Variants in VPS53 observed in about 807,000 individuals in gnomAD.
The protein encoded by VPS53 is VPS53 subunit of GARP complex.
A neutral mutation model predicts 107.0 loss-of-function variants in VPS53; 70 were observed. That is an observed-to-expected ratio of 0.65 (90% CI 0.54 to 0.80). The LOEUF is 0.80. Ranked by LOEUF, VPS53 falls within the 30% of genes least tolerant of loss-of-function variation. The pLI is 0.00. For missense variants in VPS53, 917 were observed against 1,049.4 expected (o/e 0.87, Z 1.74); for synonymous variants, 409 against 393.3 (o/e 1.04, Z -0.47).
At chr17:678,881 T>C (rs907955674) in intron 4 of VPS53, among the ~76,000 whole-genome samples, 1 of 151,992 alleles carries the variant, frequency 6.6e-6, no homozygotes, top group East Asian at 1.9e-4. Context: ...CCTCGTGATC[T>C]GCCCGCCTCG....
Position 532,774 on chromosome 17 carries a change from TAGA to T in VPS53, c.2085+65_2085+67del. The stretch of plus-strand genomic sequence containing the variant: ...TTATTCCTGCCAAGTAGATCTGGAC[TAGA>T]AGAATATGTGCTTGATCTACAACAA... On this transcript the variant is annotated intron_variant, in intron 19 of 21. Coordinates refer to ENST00000437048, the MANE Select transcript of VPS53 (RefSeq NM_001128159.3). 14 of 1,594,132 alleles carry T rather than the reference TAGA, an allele frequency of 8.8e-6. No individual in the cohort carries two copies. The South Asian group carries it at 1.2e-4, about 14-fold the overall frequency.
At chr17:669,271 C>T (rs997400333) in intron 4 of VPS53, among the ~76,000 whole-genome samples, 1 of 152,112 alleles carries the variant, frequency 6.6e-6, no homozygotes. Context: ...ATCACTCTGG[C>T]ACTGTCCCTA....
chr17:551,639 T>A lies in VPS53; in HGVS notation c.1866+233A>T, dbSNP rs1165484697. 1.0e-5 allele frequency: 3 copies of A among 295,818 alleles called. No individual in the cohort carries two copies. In the South Asian group the frequency reaches 2.5e-4, roughly 24 times the overall value. The allele number at this position is 295,818 out of a possible 1,614,324, so 18.3% of individuals were successfully genotyped here. A position where few individuals can be genotyped will look rare whatever the true frequency, so the allele number is the denominator to read the frequency against. ...AAACACATTTACTTCGTCTCTTTTT[T>A]TTTTGCCATCCTCCAATACTGTGAT... On this transcript the variant is annotated intron_variant, in intron 17 of 21. Transcript: ENST00000437048.
chr17:562,866 TTAAAATC>T, intron 13 of VPS53, 121 bp from the exon 14 acceptor site: 1 of 1,152,890 alleles, frequency 8.7e-7, no homozygotes, highest in Non-Finnish European at 1.2e-6. Context: ...CATTTAAAAC[TTAAAATC>T]GGATCGATTT....
At chr17:650,453 C>T (rs202196182) in intron 7 of VPS53, among the ~76,000 whole-genome samples, 6 of 151,980 alleles carry the variant, frequency 3.9e-5, no homozygotes, top group Admixed American at 1.3e-4. Flanking sequence ...GCTATGACCA[C>T]GCCACTGCAC....
At chr17:656,947 G>T in intron 5 of VPS53, 1 of 1,109,092 alleles carries the variant, frequency 9.0e-7, no homozygotes, top group African/African-American at 1.5e-5. Flanking sequence ...TGTTGCCACT[G>T]GTGTCTTTCA....
At chr17:541,659 ACCGGGCG>A (rs71946660) in intron 17 of VPS53, among the ~76,000 whole-genome samples, 18 of 144,782 alleles carry the variant, frequency 1.2e-4, no homozygotes, top group African/African-American at 3.1e-4. Context: ...CCTACCACGC[ACCGGGCG>A]CTGAAGGAAT....
At chr17:540,168 T>G (rs1910512397) in intron 17 of VPS53, among the ~76,000 whole-genome samples, 1 of 147,916 alleles carries the variant, frequency 6.8e-6, no homozygotes, top group Non-Finnish European at 1.5e-5. Context: ...TGAAACATAG[T>G]GATCAAGCAA....
chr17:577,093 C>T (rs1914690280), intron 13 of VPS53, among the ~76,000 whole-genome samples: 1 of 152,036 alleles, frequency 6.6e-6, no homozygotes, highest in African/African-American at 2.4e-5. Flanking sequence ...AGAGAACCTC[C>T]CTCAGAACCT....
In VPS53 at chr17:661,829, C is replaced by T; in HGVS notation, c.352G>A (p.Ala118Thr). 6.4e-7 allele frequency: 1 copy of T among 1,552,138 alleles called. No homozygotes were observed. Among genetic ancestry groups the T allele is most frequent in the Non-Finnish European group, 8.7e-7 (1 of 1,147,066 alleles). The part of the protein sequence containing the change: ...FGKIKDIKDK[A>T]EKSEQMVKEI... The stretch of plus-strand genomic sequence containing the variant: ...CTCACCATTTGCTCTGATTTTTCAG[C>T]TTTGTCTTTGATATCTTTGATTTTG... The change falls in exon 5 of 22, where the codon GCT (alanine) becomes ACT (threonine). Residue 118 changes from alanine to threonine, a missense_variant. Ala to Thr is a moderately conservative substitution (Grantham distance 58, BLOSUM62 0). Coordinates refer to ENST00000437048, the MANE Select transcript of VPS53 (RefSeq NM_001128159.3).
At chr17:666,327 T>C (rs1023744970) in intron 4 of VPS53, among the ~76,000 whole-genome samples, 1 of 152,116 alleles carries the variant, frequency 6.6e-6, no homozygotes, top group African/African-American at 2.4e-5. Context: ...ACAGAAGTGT[T>C]TGAAGGAGAA....
intron 4 of VPS53, among the ~76,000 whole-genome samples, chr17:681,177 C>T (rs1972380679): frequency 6.6e-6 from 1 of 152,112 alleles, no homozygotes. Context: ...TGCTCTGTTG[C>T]CCAGGCTGGA....
chr17:588,318 A>AAAAC (rs71371552), intron 12 of VPS53, among the ~76,000 whole-genome samples: 22,245 of 151,830 alleles, frequency 0.15, 1,955 homozygotes, highest in South Asian at 0.23. Context: ...CTCCATTTCA[A>AAAAC]AAACAAACAA....
At chr17:655,388 G>A (rs971011282) in intron 6 of VPS53, among the ~76,000 whole-genome samples, 2 of 152,278 alleles carry the variant, frequency 1.3e-5, no homozygotes, top group African/African-American at 2.4e-5. Context: ...TCAGCCCAAC[G>A]CAAGCAGGAA....
intron 19 of VPS53, among the ~76,000 whole-genome samples, chr17:528,843 C>T (rs1265113537): frequency 2.0e-5 from 3 of 152,160 alleles, no homozygotes; most frequent in Non-Finnish European, 4.4e-5. Flanking sequence ...AGGTGATCTG[C>T]CTGCCTCAGC....
intron 4 of VPS53, among the ~76,000 whole-genome samples, chr17:664,697 G>C (rs1032111545): frequency 6.6e-6 from 1 of 152,204 alleles, no homozygotes; most frequent in Non-Finnish European, 1.5e-5. Context: ...GAAAGCGGGA[G>C]TGAAAGCTCT....
At chr17:544,437 A>T (rs1911028012) in intron 17 of VPS53, among the ~76,000 whole-genome samples, 1 of 151,958 alleles carries the variant, frequency 6.6e-6, no homozygotes, top group Non-Finnish European at 1.5e-5. Flanking sequence ...AGGTTACTTA[A>T]GCTGATTTTG....
At chr17:571,972 A>G (rs374169215) in intron 13 of VPS53, among the ~76,000 whole-genome samples, 28 of 149,982 alleles carry the variant, frequency 1.9e-4, no homozygotes, top group African/African-American at 5.6e-4. Flanking sequence ...CACCCCGTCT[A>G]GGAAGTGAGG....
At position 519,468 on chromosome 17, in the gene VPS53, C is replaced by T. The variant is rs935604622; in HGVS notation, c.2329-170G>A. ...GGACTCACCATCCCCTGGGTAGTAG[C>T]GTGGGAGGAAAAGAGAGGGGAAGAA... On this transcript the variant is annotated intron_variant, in intron 21 of 21. Transcript: ENST00000437048. This position sits in a 1 kb window ranked among gnomAD's most constrained non-coding sequence, Gnocchi z 5.0. Among the ~76,000 whole-genome samples the T allele has an allele frequency of 3.9e-5, 6 of 151,918 alleles. No homozygotes were observed. The highest frequency in any genetic ancestry group is 2.0e-4 in the Admixed American group (3 of 15,248).
Sources: allele counts gnomAD v4.1 joint callset (sites outside exome capture counted in the v4.1 genomes callset), GRCh38; gene constraint gnomAD v4.1.1; non-coding constraint Gnocchi (gnomAD v3.1); transcripts MANE v1.5; gene names NCBI Gene and HGNC (gene_info 2026-07-23, HGNC 2026-07-21).